The following R3HDM1 variants were observed in gnomAD, a reference collection of about 807,000 sequenced individuals.
The protein encoded by R3HDM1 is R3H domain containing 1.
In R3HDM1, 46 loss-of-function variants were observed where a neutral mutation model predicts 141.1. The ratio of observed to expected loss-of-function variants is 0.33; its 90% CI spans 0.26 to 0.42. The LOEUF (loss-of-function observed/expected upper bound fraction) is 0.42. Ranked by LOEUF, R3HDM1 falls within the 10% of genes least tolerant of loss-of-function variation. R3HDM1 has a pLI of 1.00. For missense variants in R3HDM1, 1,184 were observed against 1,368.3 expected (o/e 0.87, Z 2.12); for synonymous variants, 435 against 472.9 (o/e 0.92, Z 1.04).
intron 19 of R3HDM1, chr2:135,667,545 G>T: frequency 1.4e-6 from 1 of 716,506 alleles, no homozygotes; most frequent in Non-Finnish European, 1.7e-6. Context: ...CTACTTTCCA[G>T]ATTAAATTCA....
intron 19 of R3HDM1, among the ~76,000 whole-genome samples, chr2:135,666,726 A>G (rs2105321879): frequency 6.6e-6 from 1 of 152,236 alleles, no homozygotes; most frequent in South Asian, 2.1e-4. Context: ...GAGAGATGAG[A>G]AGGGATAATC....
At position 135,624,118 on chromosome 2, in the gene R3HDM1, G is replaced by A. The variant is rs551750349; in HGVS notation, c.497+1386G>A. On this transcript the variant is annotated intron_variant, in intron 7 of 26. Transcript: ENST00000683871. ...ATTCTAGAAAGTGATGGTAAAGGTC[G>A]GGCGCAGTGGCTCACGCTTGTAATC... is the stretch of plus-strand genomic sequence containing the variant. Among the ~76,000 whole-genome samples, 17 of 152,274 alleles carry A rather than the reference G, an allele frequency of 1.1e-4. 1 individual carries two copies. The highest frequency in any genetic ancestry group is 1.0e-3 in the Admixed American group (16 of 15,294).
chr2:135,574,672 G>A (rs1015289145), intron 1 of R3HDM1, among the ~76,000 whole-genome samples: 7 of 152,068 alleles, frequency 4.6e-5, no homozygotes, highest in Non-Finnish European at 1.0e-4. Context: ...CTTAATGTTA[G>A]GATACTCATT....
intron 21 of R3HDM1, among the ~76,000 whole-genome samples, chr2:135,688,437 T>A (rs1265224777): frequency 1.3e-5 from 2 of 152,182 alleles, no homozygotes; most frequent in Non-Finnish European, 2.9e-5. Context: ...GATTGGTGGA[T>A]TCATAAGATG....
intron 21 of R3HDM1, among the ~76,000 whole-genome samples, chr2:135,702,977 G>T (rs1388869025): frequency 2.6e-5 from 4 of 152,136 alleles, no homozygotes; most frequent in Non-Finnish European, 4.4e-5. Context: ...TAACAGATCT[G>T]CTAATACGCT....
chr2:135,646,792 G>A (rs1042689467), intron 16 of R3HDM1, among the ~76,000 whole-genome samples: 4 of 148,978 alleles, frequency 2.7e-5, no homozygotes, highest in South Asian at 2.1e-4. Context: ...GCAGTGAGCC[G>A]AGATCAGGCC....
chr2:135,653,876 C>T (rs2065447937), intron 18 of R3HDM1, among the ~76,000 whole-genome samples: 2 of 152,072 alleles, frequency 1.3e-5, no homozygotes, highest in African/African-American at 4.8e-5. Flanking sequence ...TGCAGTGAGC[C>T]GAGAATTTGT....
chr2:135,579,151 G>T (rs1399000739), intron 1 of R3HDM1, among the ~76,000 whole-genome samples: 1 of 152,102 alleles, frequency 6.6e-6, no homozygotes, highest in Non-Finnish European at 1.5e-5. Context: ...TCTGGCGCAA[G>T]AATAATACAA....
intron 1 of R3HDM1, among the ~76,000 whole-genome samples, chr2:135,585,722 T>C (rs576178265): frequency 7.7e-4 from 118 of 152,344 alleles, no homozygotes; most frequent in African/African-American, 2.4e-3. Flanking sequence ...TGAGCTAATA[T>C]AGCCAACAAG....
At chr2:135,722,391 G>A in intron 25 of R3HDM1, 78 bp from the exon 26 acceptor site, 1 of 1,451,344 alleles carries the variant, frequency 6.9e-7, no homozygotes, top group Non-Finnish European at 9.5e-7. Flanking sequence ...AAGGTGTTTT[G>A]GTGTTAATTT....
intron 1 of R3HDM1, among the ~76,000 whole-genome samples, chr2:135,575,329 C>A (rs946876523): frequency 7.2e-5 from 11 of 152,170 alleles, no homozygotes; most frequent in Non-Finnish European, 1.2e-4. Context: ...ATTACAGGCA[C>A]CTGTCCCCAC....
intron 21 of R3HDM1, among the ~76,000 whole-genome samples, chr2:135,706,429 G>A (rs1454542637): frequency 6.6e-6 from 1 of 151,778 alleles, no homozygotes; most frequent in Non-Finnish European, 1.5e-5. Flanking sequence ...TCGCAGAGGG[G>A]GATTTGGCAG....
At chr2:135,706,022 G>A (rs1395384812) in intron 21 of R3HDM1, among the ~76,000 whole-genome samples, 6 of 151,862 alleles carry the variant, frequency 4.0e-5, no homozygotes, top group East Asian at 1.9e-4. Context: ...CCAGCTACTC[G>A]AGAGGCTGAG....
chr2:135,533,703 C>G (rs1289108983), intron 1 of R3HDM1, among the ~76,000 whole-genome samples: 4 of 152,146 alleles, frequency 2.6e-5, no homozygotes, highest in Non-Finnish European at 5.9e-5. Context: ...CATGGAGAAA[C>G]CCCGTCTCTA....
chr2:135,542,454 C>T (rs1697803261), intron 1 of R3HDM1, among the ~76,000 whole-genome samples: 1 of 152,018 alleles, frequency 6.6e-6, no homozygotes, highest in African/African-American at 2.4e-5. Flanking sequence ...TTCTAAATGT[C>T]AGTTCTTTTC....
intron 18 of R3HDM1, among the ~76,000 whole-genome samples, chr2:135,653,054 T>TA (rs529959315): frequency 0.012 from 1,637 of 138,990 alleles, 12 homozygotes; most frequent in Admixed American, 0.024. Flanking sequence ...TTGATGTTCT[T>TA]AAAAAAAAAA....
At chr2:135,609,781 C>A (rs939181327) in intron 3 of R3HDM1, among the ~76,000 whole-genome samples, 1 of 152,120 alleles carries the variant, frequency 6.6e-6, no homozygotes, top group Non-Finnish European at 1.5e-5. Context: ...TGGCACATGA[C>A]TGTAATCCCA....
chr2:135,682,769 G>A lies in R3HDM1; in HGVS notation c.2459+2445G>A, dbSNP rs190386327. Among the ~76,000 whole-genome samples, 665 of 152,250 alleles carry A rather than the reference G, an allele frequency of 4.4e-3. 7 individuals carry two copies. Among genetic ancestry groups the A allele is most frequent in the African/African-American group, 0.015 (620 of 41,556 alleles). On this transcript the variant is annotated intron_variant, in intron 21 of 26. Transcript: ENST00000683871. Reference sequence around the variant, plus strand: ...CCCAGCACTTTGGGAAGCTGAGGCGGGTGGATCACTTGAGGTCAGGAGTTC... The same window carrying A: ...CCCAGCACTTTGGGAAGCTGAGGCGAGTGGATCACTTGAGGTCAGGAGTTC...
intron 1 of R3HDM1, among the ~76,000 whole-genome samples, chr2:135,562,630 T>C (rs1225262817): frequency 2.0e-5 from 3 of 152,190 alleles, no homozygotes; most frequent in East Asian, 1.9e-4. Context: ...AATAAAACTT[T>C]CCTTCTCAAA....
Sources: allele counts gnomAD v4.1 joint callset (sites outside exome capture counted in the v4.1 genomes callset), GRCh38; gene constraint gnomAD v4.1.1; transcripts MANE v1.5; gene names NCBI Gene and HGNC (gene_info 2026-07-23, HGNC 2026-07-21).